ABCC2: variants seen among roughly 807,000 people sequenced by gnomAD.
ABCC2 encodes ATP-binding cassette sub-family C member 2.
A neutral mutation model predicts 173.4 loss-of-function variants in ABCC2; 157 were observed. The observed-to-expected ratio is 0.91, with a 90% confidence interval of 0.80 to 1.03. The LOEUF (loss-of-function observed/expected upper bound fraction) is 1.03. Ranked by LOEUF, ABCC2 falls within the 50% of genes least tolerant of loss-of-function variation. The pLI, the probability that ABCC2 is intolerant of heterozygous loss-of-function variation, is 0.00. For missense variants in ABCC2, 1,822 were observed against 1,852.3 expected (o/e 0.98, Z 0.30); for synonymous variants, 657 against 693.5 (o/e 0.95, Z 0.83).
chr10:99,816,615 A>T (rs2038419594), intron 16 of ABCC2, among the ~76,000 whole-genome samples: 1 of 152,060 alleles, frequency 6.6e-6, no homozygotes, highest in South Asian at 2.1e-4. Context: ...GCTTCTTAAG[A>T]TGTCATCTAT....
chr10:99,842,316 T>C (rs962851819), intron 26 of ABCC2, among the ~76,000 whole-genome samples: 1 of 152,168 alleles, frequency 6.6e-6, no homozygotes, highest in Non-Finnish European at 1.5e-5. Flanking sequence ...AATATTGACC[T>C]TAGGGCTTAA....
Position 99,847,087 on chromosome 10 carries a change from G to C in ABCC2, c.4273G>C (p.Gly1425Arg). 6.2e-7 allele frequency: 1 copy of C among 1,614,112 alleles called. No individual in the cohort carries two copies. Among genetic ancestry groups the C allele is most frequent in the East Asian group, 2.2e-5 (1 of 44,882 alleles). Residue 1425 changes from glycine (G) to arginine (R), a missense_variant, in exon 30 of 32, where the codon GGG becomes CGG. Physicochemically the swap from Gly to Arg is moderately radical, Grantham distance 125. Transcript: ENST00000647814. ...LKSFVASLQLGLSHEVTEAGG... is the reference protein window; with the variant it reads ...LKSFVASLQLRLSHEVTEAGG... ...GTCTTTTGTGGCCAGCCTGCAACTT[G>C]GGTTATCCCACGAAGTGACAGAGGC... is the stretch of plus-strand genomic sequence containing the variant.
chr10:99,848,758 A>AGACCAACTGAATCG lies in ABCC2; in HGVS notation c.4313+1633_4313+1646dup, dbSNP rs775771235. On this transcript the variant is annotated intron_variant, in intron 30 of 31. Transcript: ENST00000647814. ...GCTCCCAACGCCTAAACTGTAGCCC[A>AGACCAACTGAATCG]GACCAACTGAATCGGGGACCCAGGT... Among the ~76,000 whole-genome samples the AGACCAACTGAATCG allele has an allele frequency of 1.4e-3, 206 of 152,338 alleles. No homozygotes were observed. In the Middle Eastern group the frequency reaches 0.014, roughly 10 times the overall value.
Position 99,794,017 on chromosome 10 carries a change from C to A in ABCC2, c.576+18C>A. ...CATCAAATGTGAGATTCTAAATATGCCCATCTCATATATTACTTAATTGGA... is the reference window on the plus strand; with the variant it reads ...CATCAAATGTGAGATTCTAAATATGACCATCTCATATATTACTTAATTGGA... On this transcript the variant is annotated intron_variant, in intron 5 of 31. Coordinates refer to ENST00000647814, the MANE Select transcript of ABCC2 (RefSeq NM_000392.5). 1 of 1,553,312 alleles carries A rather than the reference C, an allele frequency of 6.4e-7. No individual in the cohort carries two copies. Among genetic ancestry groups the A allele is most frequent in the Non-Finnish European group, 8.9e-7 (1 of 1,126,426 alleles).
chr10:99,818,731 A>G lies in ABCC2; in HGVS notation c.2272-59A>G, dbSNP rs1410350547. ...TTTCTTCCTTTTACCCCTCCCTATTAGATTCTGTGAAGGTGGATCTAGGGA... is the reference window on the plus strand; with the variant it reads ...TTTCTTCCTTTTACCCCTCCCTATTGGATTCTGTGAAGGTGGATCTAGGGA... On this transcript the variant is annotated intron_variant, in intron 17 of 31. Transcript: ENST00000647814. 3 of 1,593,864 alleles carry G rather than the reference A, an allele frequency of 1.9e-6. No homozygotes were observed. The African/African-American group carries it at 4.0e-5, about 21-fold the overall frequency.
At chr10:99,799,060 T>C (rs1281613539) in intron 7 of ABCC2, 147 bp from the exon 8 acceptor site, 7 of 812,050 alleles carry the variant, frequency 8.6e-6, no homozygotes, top group Non-Finnish European at 1.2e-5. Context: ...TGAAGGCAGC[T>C]AGAAGGGCAG....
Position 99,851,642 on chromosome 10 carries a change from C to T in ABCC2, c.*11C>T. ...AGCACAAAATTCTAGCAGAAGGCCC[C>T]ATGGGTTAGAAAAGGACTATAAGAA... is the stretch of plus-strand genomic sequence containing the variant. On this transcript the variant is annotated 3_prime_UTR_variant, in exon 32 of 32. Transcript: ENST00000647814. 6.2e-7 allele frequency: 1 copy of T among 1,613,242 alleles called. No homozygotes were observed. Among genetic ancestry groups the T allele is most frequent in the Non-Finnish European group, 8.5e-7 (1 of 1,179,318 alleles).
At chr10:99,797,919 G>A (rs2037947458) in intron 7 of ABCC2, 1 of 161,160 alleles carries the variant, frequency 6.2e-6, no homozygotes, top group Admixed American at 5.8e-5. Flanking sequence ...ACAGTCAGAG[G>A]GAAGTGTGTT....
chr10:99,784,716 C>T lies in ABCC2; in HGVS notation c.142C>T (p.Leu48Phe). The change falls in exon 2 of 32, where the codon CTT becomes TTT. Residue 48 changes from leucine to phenylalanine, a missense_variant. Physicochemically the swap from Leu to Phe is conservative, Grantham distance 22. Transcript: ENST00000647814. ...CCTATGGCTCCTGGCCCCCTGGCAG[C>T]TTCTCCACGTGTATAAATCCAGGAC... ...GYLWLLAPWQ[L>F]LHVYKSRTKR... 1 of 1,614,218 alleles carries T rather than the reference C, an allele frequency of 6.2e-7. No homozygotes were observed. Among genetic ancestry groups the T allele is most frequent in the South Asian group, 1.1e-5 (1 of 91,084 alleles).
chr10:99,811,329 C>CAA (rs59066738), intron 14 of ABCC2, among the ~76,000 whole-genome samples: 1 of 133,878 alleles, frequency 7.5e-6, no homozygotes, highest in African/African-American at 2.7e-5. Context: ...GACCATGACT[C>CAA]AAAAAAAAAA....
chr10:99,809,592 G>C (rs1044702627), intron 13 of ABCC2, among the ~76,000 whole-genome samples: 1 of 152,244 alleles, frequency 6.6e-6, no homozygotes, highest in Non-Finnish European at 1.5e-5. Flanking sequence ...AAACATCCTT[G>C]TAGAAGTGCC....
At chr10:99,825,710 A>G (rs1467346618) in intron 19 of ABCC2, among the ~76,000 whole-genome samples, 2 of 152,252 alleles carry the variant, frequency 1.3e-5, no homozygotes, top group East Asian at 1.9e-4. Flanking sequence ...TGATCTTCCC[A>G]AGATTAGTCC....
In ABCC2 at chr10:99,792,106, C is replaced by T. The variant is rs2037819823; in HGVS notation, c.208-128C>T. The T allele has an allele frequency of 1.3e-5, 16 of 1,221,418 alleles. No homozygotes were observed. The East Asian group carries it at 3.8e-4, about 29-fold the overall frequency. 75.7% of individuals were successfully genotyped at this position (1,221,418 alleles called of 1,614,324 possible). Reference sequence around the variant, plus strand: ...TTGAACTGTATGTATCCATTCTTTCCAGAAATATTTATTGTGTTATCTGAA... The same window carrying T: ...TTGAACTGTATGTATCCATTCTTTCTAGAAATATTTATTGTGTTATCTGAA... On this transcript the variant is annotated intron_variant, in intron 2 of 31. Transcript: ENST00000647814.
intron 17 of ABCC2, 104 bp from the exon 18 acceptor site, chr10:99,818,686 T>C (rs1217141144): frequency 8.0e-7 from 1 of 1,255,164 alleles, no homozygotes; most frequent in African/African-American, 1.5e-5. Flanking sequence ...TTTAACCCCT[T>C]GACACCTTAT....
rs991062179 is a variant in ABCC2, at chr10:99,822,249, C to G, written c.2620+2980C>G. Among the ~76,000 whole-genome samples, 71 of 152,278 alleles carry G rather than the reference C, an allele frequency of 4.7e-4. 1 individual carries two copies. The highest frequency in any genetic ancestry group is 1.2e-3 in the East Asian group (6 of 5,192). On this transcript the variant is annotated intron_variant, in intron 19 of 31. Transcript: ENST00000647814. ...TTGATACAATCATCAAGGCTGCAAG[C>G]AGCATACTCTCTGGGGTTTGTGTCA...
At chr10:99,796,579 G>A (rs1290289313) in intron 6 of ABCC2, among the ~76,000 whole-genome samples, 2 of 152,146 alleles carry the variant, frequency 1.3e-5, no homozygotes, top group Non-Finnish European at 2.9e-5. Flanking sequence ...AGCTACTTGG[G>A]AAGCTTAAGC....
intron 6 of ABCC2, 122 bp from the exon 7 acceptor site, chr10:99,796,975 G>A: frequency 1.2e-6 from 1 of 841,604 alleles, no homozygotes; most frequent in Non-Finnish European, 2.0e-6. Flanking sequence ...GCCAGGAGAT[G>A]GGGATAGTCC....
At chr10:99,835,475 C>T (rs1207757196) in intron 24 of ABCC2, among the ~76,000 whole-genome samples, 2 of 152,120 alleles carry the variant, frequency 1.3e-5, no homozygotes, top group Non-Finnish European at 2.9e-5. Flanking sequence ...ACCCATTCCA[C>T]TCCCCCTTGC....
chr10:99,835,546 C>T (rs548849490), intron 24 of ABCC2, among the ~76,000 whole-genome samples: 36 of 152,224 alleles, frequency 2.4e-4, no homozygotes, highest in Non-Finnish European at 4.0e-4. Flanking sequence ...CTTACCCCCT[C>T]AGCACTCTGC....
Sources: allele counts gnomAD v4.1 joint callset (sites outside exome capture counted in the v4.1 genomes callset), GRCh38; gene constraint gnomAD v4.1.1; transcripts MANE v1.5; gene names NCBI Gene and HGNC (gene_info 2026-07-23, HGNC 2026-07-21).